Variants in CNTNAP5 observed in about 807,000 individuals in gnomAD.
CNTNAP5 encodes contactin-associated protein-like 5.
CNTNAP5 carries 72 observed loss-of-function variants against 150.2 expected under a neutral mutation model. The ratio of observed to expected loss-of-function variants is 0.48; its 90% CI spans 0.40 to 0.58. The LOEUF is 0.58. Among genes scored for constraint, CNTNAP5 ranks in the 20% least tolerant of loss-of-function variants. CNTNAP5 has a pLI of 0.00. For missense variants in CNTNAP5, 1,636 were observed against 1,626.2 expected, an observed-to-expected ratio of 1.01 and a Z score of -0.10; for synonymous variants, 672 against 619.8, an observed-to-expected ratio of 1.08 and a Z score of -1.25.
At chr2:124,240,821 TC>T (rs1686867415) in intron 2 of CNTNAP5, among the ~76,000 whole-genome samples, 1 of 152,152 alleles carries the variant, frequency 6.6e-6, no homozygotes, top group African/African-American at 2.4e-5. Context: ...CCTCTATCAC[TC>T]TGTCTGCATT....
chr2:124,889,078 CTTTTTTTTTTTTTT>C (rs761790564), intron 21 of CNTNAP5, among the ~76,000 whole-genome samples: 1 of 68,782 alleles, frequency 1.5e-5, no homozygotes, highest in Non-Finnish European at 2.9e-5. Flanking sequence ...TGAGGTCTAG[CTTTTTTTTTTTTTT>C]TTTTTTTTTT....
intron 21 of CNTNAP5, among the ~76,000 whole-genome samples, chr2:124,885,978 T>C (rs1678072324): frequency 6.6e-6 from 1 of 152,050 alleles, no homozygotes; most frequent in Non-Finnish European, 1.5e-5. Context: ...ATCTTGGGCA[T>C]ATCTCTGGGA....
At chr2:124,460,210 G>A (rs1168320569) in intron 6 of CNTNAP5, among the ~76,000 whole-genome samples, 1 of 152,082 alleles carries the variant, frequency 6.6e-6, no homozygotes, top group Non-Finnish European at 1.5e-5. Context: ...ATTTCTGAAA[G>A]GATACTAAAG....
rs139339327 is a variant in CNTNAP5 at position 124,755,663 on chromosome 2, A to G, written c.2235-8009A>G. Among the ~76,000 whole-genome samples the G allele has an allele frequency of 5.9e-5, 9 of 152,238 alleles. No homozygotes were observed. In the East Asian group the frequency reaches 1.5e-3, roughly 26 times the overall value. On this transcript the variant is annotated intron_variant, in intron 14 of 23. Transcript: ENST00000682447. The stretch of plus-strand genomic sequence containing the variant: ...TCTCTGTGAACTACAAATAAATCCC[A>G]ATGTCTGCATTTTTTAAAAGTGTAG...
chr2:124,530,932 A>T (rs557827166), intron 10 of CNTNAP5, among the ~76,000 whole-genome samples: 8 of 152,070 alleles, frequency 5.3e-5, no homozygotes, highest in South Asian at 2.1e-4. Context: ...AGCGGTCCCC[A>T]ACCTTTTTGG....
intron 3 of CNTNAP5, among the ~76,000 whole-genome samples, chr2:124,314,143 C>G (rs529652484): frequency 6.6e-6 from 1 of 152,134 alleles, no homozygotes; most frequent in Non-Finnish European, 1.5e-5. Flanking sequence ...GATAATGATG[C>G]CTTGTTTTCT....
chr2:124,318,385 A>G (rs956211678), intron 3 of CNTNAP5, among the ~76,000 whole-genome samples: 1 of 152,192 alleles, frequency 6.6e-6, no homozygotes, highest in African/African-American at 2.4e-5. Flanking sequence ...TATAAGGCCT[A>G]GTGTTAAATT....
intron 2 of CNTNAP5, among the ~76,000 whole-genome samples, chr2:124,226,453 T>C (rs1317236742): frequency 6.6e-6 from 1 of 152,200 alleles, no homozygotes; most frequent in East Asian, 1.9e-4. Context: ...TTGGGTTATT[T>C]GTTTTTTTGC....
Position 124,268,112 on chromosome 2 carries a change from G to A in CNTNAP5, c.381+25719G>A, listed in dbSNP as rs754116193. On this transcript the variant is annotated intron_variant, in intron 3 of 23. Coordinates refer to ENST00000682447, the MANE Select transcript of CNTNAP5 (RefSeq NM_001367498.1). ...GGCTATCTTTCGACCAATAGATACC[G>A]GCCAAGCTAGGAATGAGTCAGTGGT... is the stretch of plus-strand genomic sequence containing the variant. 7.9e-5 allele frequency among the ~76,000 whole-genome samples: 12 copies of A among 152,236 alleles called. No individual in the cohort carries two copies. The South Asian group carries it at 1.0e-3, about 13-fold the overall frequency.
intron 11 of CNTNAP5, among the ~76,000 whole-genome samples, chr2:124,585,462 A>G (rs574937340): frequency 1.6e-4 from 25 of 152,312 alleles, no homozygotes; most frequent in African/African-American, 5.8e-4. Flanking sequence ...CCAGGAACAG[A>G]GATCAACTTG....
intron 1 of CNTNAP5, among the ~76,000 whole-genome samples, chr2:124,157,265 C>T (rs1341556621): frequency 6.6e-6 from 1 of 152,000 alleles, no homozygotes; most frequent in African/African-American, 2.4e-5. Flanking sequence ...TTTTCCAGTG[C>T]CTCGTTGGAA....
intron 19 of CNTNAP5, among the ~76,000 whole-genome samples, chr2:124,862,319 CA>C (rs2104717059): frequency 6.6e-6 from 1 of 152,310 alleles, no homozygotes; most frequent in African/African-American, 2.4e-5. Context: ...AGAGAAATTG[CA>C]TCGCATTCAT....
intron 3 of CNTNAP5, among the ~76,000 whole-genome samples, chr2:124,264,031 T>C (rs374882862): frequency 2.6e-5 from 4 of 152,308 alleles, no homozygotes; most frequent in African/African-American, 9.6e-5. Flanking sequence ...ACCAGTACCA[T>C]GCTGTTTTTG....
chr2:124,747,128 T>C (rs1013970689), intron 13 of CNTNAP5, 101 bp from the exon 14 acceptor site: 19 of 1,093,514 alleles, frequency 1.7e-5, no homozygotes, highest in Middle Eastern at 2.2e-4. Context: ...ATTATCTATA[T>C]ACATCTATTC....
At chr2:124,536,712 G>A (rs553354748) in intron 10 of CNTNAP5, among the ~76,000 whole-genome samples, 3 of 152,196 alleles carry the variant, frequency 2.0e-5, no homozygotes, top group Admixed American at 6.5e-5. Flanking sequence ...GGGCCAGGGA[G>A]GGGGCTACAG....
chr2:124,358,812 G>A (rs1228855565), intron 3 of CNTNAP5, among the ~76,000 whole-genome samples: 5 of 151,334 alleles, frequency 3.3e-5, no homozygotes, highest in Admixed American at 2.6e-4. Context: ...AATGATGCTG[G>A]CCTCATAAAA....
intron 7 of CNTNAP5, among the ~76,000 whole-genome samples, chr2:124,475,323 G>C (rs754940331): frequency 3.0e-4 from 46 of 151,958 alleles, no homozygotes; most frequent in Non-Finnish European, 1.3e-4. Flanking sequence ...TAGTGTGTTT[G>C]AGATTCTCAT....
chr2:124,204,368 T>C (rs1056940728), intron 1 of CNTNAP5, among the ~76,000 whole-genome samples: 4 of 152,202 alleles, frequency 2.6e-5, no homozygotes, highest in African/African-American at 9.6e-5. Flanking sequence ...AATGCATCTC[T>C]AGGAAGTTCC....
chr2:124,683,493 G>C (rs971474033), intron 13 of CNTNAP5, among the ~76,000 whole-genome samples: 1 of 152,068 alleles, frequency 6.6e-6, no homozygotes, highest in Non-Finnish European at 1.5e-5. Context: ...CACCCAAGCA[G>C]TGTACGCTGT....
Sources: allele counts gnomAD v4.1 joint callset (sites outside exome capture counted in the v4.1 genomes callset), GRCh38; gene constraint gnomAD v4.1.1; transcripts MANE v1.5; gene names NCBI Gene and HGNC (gene_info 2026-07-23, HGNC 2026-07-21).